Variants in SEM1 observed in about 807,000 individuals in gnomAD.
SEM1 encodes SEM1 26S proteasome subunit.
A neutral mutation model predicts 12.7 loss-of-function variants in SEM1; 3 were observed. The observed-to-expected ratio is 0.24, with a 90% CI of 0.11 to 0.61. The LOEUF (loss-of-function observed/expected upper bound fraction) is 0.61, where lower values mean the gene tolerates loss of function less well. Among genes scored for constraint, SEM1 ranks in the 20% least tolerant of loss-of-function variants. The pLI is 0.88. For missense variants in SEM1, 59 were observed against 81.3 expected (o/e 0.73, Z 1.06); for synonymous variants, 30 against 27.8 (o/e 1.08, Z -0.25).
chr7:96,651,881 GT>G (rs1459286349), intron 2 of SEM1, among the ~76,000 whole-genome samples: 1 of 152,120 alleles, frequency 6.6e-6, no homozygotes, highest in Non-Finnish European at 1.5e-5. Flanking sequence ...CTGCAAAAGG[GT>G]TTTAAGATGC....
At chr7:96,617,065 T>A (rs1807744396) in intron 2 of SEM1, among the ~76,000 whole-genome samples, 1 of 152,182 alleles carries the variant, frequency 6.6e-6, no homozygotes, top group Non-Finnish European at 1.5e-5. Context: ...TCAGGATGTT[T>A]TTTCTAATTC....
At chr7:96,666,393 C>T (rs897910928) in intron 2 of SEM1, among the ~76,000 whole-genome samples, 7 of 152,140 alleles carry the variant, frequency 4.6e-5, no homozygotes, top group Non-Finnish European at 8.8e-5. Context: ...TAACCTCTCT[C>T]TCAATTTCCA....
intron 2 of SEM1, chr7:96,637,273 C>A (rs1442615416): frequency 6.6e-6 from 1 of 152,076 alleles, no homozygotes; most frequent in Non-Finnish European, 1.5e-5. Flanking sequence ...GCGTTCTTCA[C>A]CCTCACACAG....
intron 2 of SEM1, among the ~76,000 whole-genome samples, chr7:96,610,131 C>T (rs902111698): frequency 1.3e-4 from 19 of 150,504 alleles, no homozygotes; most frequent in Non-Finnish European, 2.2e-4. Flanking sequence ...GACAGTTTTG[C>T]TCTTGTTGCC....
intron 2 of SEM1, among the ~76,000 whole-genome samples, chr7:96,676,521 A>C (rs1297219916): frequency 6.6e-6 from 1 of 152,232 alleles, no homozygotes; most frequent in Non-Finnish European, 1.5e-5. Flanking sequence ...TACAGTTTTT[A>C]ATAGTTAACC....
chr7:96,487,843 T>C (rs1295533808), intron 1 of SEM1, among the ~76,000 whole-genome samples: 1 of 149,992 alleles, frequency 6.7e-6, no homozygotes, highest in East Asian at 1.9e-4. Context: ...TCAGAAGATC[T>C]AGGGTGGAAT....
chr7:96,546,287 A>C (rs1805100282), intron 2 of SEM1, among the ~76,000 whole-genome samples: 2 of 152,126 alleles, frequency 1.3e-5, no homozygotes, highest in Admixed American at 1.3e-4. Flanking sequence ...GAAAATATGT[A>C]AAGAATTACA....
intron 2 of SEM1, among the ~76,000 whole-genome samples, chr7:96,664,986 C>T (rs543663209): frequency 6.6e-6 from 1 of 152,304 alleles, no homozygotes; most frequent in Non-Finnish European, 1.5e-5. Flanking sequence ...TTTTCAAGCT[C>T]CAGATTCAAC....
At chr7:96,568,607 G>A (rs1805924147) in intron 2 of SEM1, among the ~76,000 whole-genome samples, 1 of 151,526 alleles carries the variant, frequency 6.6e-6, no homozygotes, top group Non-Finnish European at 1.5e-5. Flanking sequence ...TTTTTCCTCT[G>A]ATCACCTTTT....
chr7:96,686,814 T>C (rs998715569), downstream of SEM1, among the ~76,000 whole-genome samples: 1 of 152,172 alleles, frequency 6.6e-6, no homozygotes, highest in African/African-American at 2.4e-5. Context: ...AAAGAGCTTC[T>C]GCACAGCAAA....
chr7:96,569,990 G>A (rs958119137), intron 2 of SEM1, among the ~76,000 whole-genome samples: 2 of 151,850 alleles, frequency 1.3e-5, no homozygotes, highest in African/African-American at 4.8e-5. Context: ...CTAGAAATAC[G>A]AGTGCAGGTA....
At chr7:96,699,955 A>C (rs1790220122) in intron 1 of SEM1, among the ~76,000 whole-genome samples, 1 of 152,184 alleles carries the variant, frequency 6.6e-6, no homozygotes, top group Admixed American at 6.5e-5. Context: ...TTCAAAGACA[A>C]ATATCTATAG....
chr7:96,631,060 A>G (rs1021887940), intron 2 of SEM1, among the ~76,000 whole-genome samples: 1 of 152,194 alleles, frequency 6.6e-6, no homozygotes, highest in African/African-American at 2.4e-5. Context: ...GTGGAGGGAA[A>G]GGGTCTCTTT....
chr7:96,707,108 AAAGCCCACACTGATTAAGTAG>A (rs1323722142), intron 1 of SEM1, among the ~76,000 whole-genome samples: 3 of 152,250 alleles, frequency 2.0e-5, no homozygotes, highest in African/African-American at 7.2e-5. Flanking sequence ...GAATCCTGGT[AAAGCCCACACTGATTAAGTAG>A]GTCTAGGTTT....
chr7:96,581,626 T>C (rs536986028), intron 2 of SEM1, among the ~76,000 whole-genome samples: 1 of 152,318 alleles, frequency 6.6e-6, no homozygotes, highest in Non-Finnish European at 1.5e-5. Flanking sequence ...TTCCATTTCT[T>C]TCTATCCTCT....
At chr7:96,662,349 A>G (rs1000063424) in intron 2 of SEM1, among the ~76,000 whole-genome samples, 2 of 152,204 alleles carry the variant, frequency 1.3e-5, no homozygotes, top group African/African-American at 4.8e-5. Flanking sequence ...GCCAGAAAAA[A>G]TGAGTTCATG....
intron 2 of SEM1, among the ~76,000 whole-genome samples, chr7:96,529,294 AC>A (rs1473036392): frequency 6.6e-6 from 1 of 152,150 alleles, no homozygotes; most frequent in East Asian, 1.9e-4. Flanking sequence ...TATAAAGTAA[AC>A]AAAACGCTAA....
intron 2 of SEM1, among the ~76,000 whole-genome samples, chr7:96,595,553 C>A (rs1007784744): frequency 2.1e-4 from 32 of 152,124 alleles, no homozygotes; most frequent in African/African-American, 7.2e-4. Flanking sequence ...AAAAGGCAAT[C>A]AAAGACTCTG....
At chr7:96,617,686 G>C (rs888975965), downstream of SEM1, among the ~76,000 whole-genome samples, 1 of 152,062 alleles carries the variant, frequency 6.6e-6, no homozygotes, top group Non-Finnish European at 1.5e-5. Context: ...GTCATATATG[G>C]CCTTTATTAT....
Sources: allele counts gnomAD v4.1 joint callset (sites outside exome capture counted in the v4.1 genomes callset), GRCh38; gene constraint gnomAD v4.1.1; transcripts MANE v1.5; gene names NCBI Gene and HGNC (gene_info 2026-07-23, HGNC 2026-07-21).